TMCO4: variants seen among roughly 807,000 people sequenced by gnomAD.
TMCO4 encodes transmembrane and coiled-coil domain-containing protein 4.
TMCO4 carries 58 observed loss-of-function variants against 64.7 expected under a neutral mutation model. The ratio of observed to expected loss-of-function variants is 0.90; its 90% CI spans 0.73 to 1.12. The LOEUF (loss-of-function observed/expected upper bound fraction) is 1.12. Among genes scored for constraint, TMCO4 ranks in the 50% most tolerant of loss-of-function variants. The probability of loss-of-function intolerance (pLI) is 0.00; values close to 1 mark genes in which losing one functional copy is unlikely to be tolerated. For synonymous variants in TMCO4, 325 were observed against 346.1 expected (o/e 0.94, Z 0.68); for missense variants, 780 against 825.9 (o/e 0.94, Z 0.68).
intron 13 of TMCO4, among the ~76,000 whole-genome samples, chr1:19,736,448 C>A (rs930251421): frequency 2.1e-4 from 32 of 152,190 alleles, no homozygotes; most frequent in African/African-American, 7.7e-4. Context: ...CCCATCCACC[C>A]TCCACTCCCA....
chr1:19,709,704 C>T (rs2095321120), intron 13 of TMCO4, among the ~76,000 whole-genome samples: 1 of 151,234 alleles, frequency 6.6e-6, no homozygotes, highest in African/African-American at 2.4e-5. Flanking sequence ...GATTGTGCTG[C>T]AAGGCTTTTT....
rs370575828 is a variant in TMCO4 at position 19,696,014 on chromosome 1, C to T, written c.1383-1463G>A. The stretch of plus-strand genomic sequence containing the variant: ...CTGAGAGCAGGCAATCCTCCCTCCC[C>T]GCCCCATGGATGAATGCGACGGCCT... On this transcript the variant is annotated intron_variant, in intron 14 of 15. Transcript: ENST00000294543. Among the ~76,000 whole-genome samples the T allele has an allele frequency of 2.8e-3, 420 of 152,258 alleles. 2 individuals are homozygous for T. Among genetic ancestry groups the T allele is most frequent in the Non-Finnish European group, 2.9e-3 (199 of 68,028 alleles).
intron 13 of TMCO4, among the ~76,000 whole-genome samples, chr1:19,705,222 G>A (rs921271874): frequency 2.6e-5 from 4 of 152,028 alleles, no homozygotes; most frequent in African/African-American, 4.8e-5. Flanking sequence ...AGGCTGAGGC[G>A]GATGGATCAC....
chr1:19,748,752 G>A (rs2041898834), intron 7 of TMCO4, among the ~76,000 whole-genome samples: 1 of 152,214 alleles, frequency 6.6e-6, no homozygotes, highest in African/African-American at 2.4e-5. Context: ...TTGAACCCAG[G>A]AGGAGGAGGT....
intron 13 of TMCO4, among the ~76,000 whole-genome samples, chr1:19,701,730 G>T (rs866060229): frequency 6.6e-6 from 1 of 152,132 alleles, no homozygotes; most frequent in Non-Finnish European, 1.5e-5. Context: ...GGTGGGAAGT[G>T]GGGGGTGAAG....
intron 15 of TMCO4, among the ~76,000 whole-genome samples, chr1:19,690,251 A>G (rs1182946924): frequency 6.6e-6 from 1 of 152,234 alleles, no homozygotes; most frequent in Non-Finnish European, 1.5e-5. Flanking sequence ...GGTACCCAGA[A>G]AGGCTGTCAT....
At chr1:19,700,003 A>T (rs1183454346) in intron 14 of TMCO4, among the ~76,000 whole-genome samples, 1 of 152,080 alleles carries the variant, frequency 6.6e-6, no homozygotes, top group Non-Finnish European at 1.5e-5. Context: ...CCAAATCAAG[A>T]GCCTTAAACA....
At chr1:19,748,255 C>T (rs1570883060) in intron 7 of TMCO4, among the ~76,000 whole-genome samples, 2 of 152,238 alleles carry the variant, frequency 1.3e-5, no homozygotes, top group East Asian at 1.9e-4. Flanking sequence ...GATGTCATCA[C>T]GATGCTGCAT....
chr1:19,693,921 G>C (rs2095217149), intron 15 of TMCO4, among the ~76,000 whole-genome samples: 1 of 152,172 alleles, frequency 6.6e-6, no homozygotes, highest in Non-Finnish European at 1.5e-5. Flanking sequence ...GTGGGGAACG[G>C]CAGTAATACA....
intron 4 of TMCO4, among the ~76,000 whole-genome samples, chr1:19,775,793 T>C (rs529399841): frequency 1.3e-5 from 2 of 152,218 alleles, no homozygotes; most frequent in Non-Finnish European, 2.9e-5. Flanking sequence ...AAGAAATAAA[T>C]GTTTTAGAGG....
At chr1:19,712,154 T>C (rs148275705) in intron 13 of TMCO4, among the ~76,000 whole-genome samples, 326 of 152,212 alleles carry the variant, frequency 2.1e-3, no homozygotes, top group African/African-American at 7.6e-3. Context: ...TCTCAGGGAA[T>C]AGGAAGGCTG....
chr1:19,692,857 C>A (rs12404870), intron 15 of TMCO4, among the ~76,000 whole-genome samples: 2 of 151,572 alleles, frequency 1.3e-5, no homozygotes, highest in Non-Finnish European at 2.9e-5. Context: ...GGCAGGTGAA[C>A]GAGGTTCTTT....
At chr1:19,731,093 C>T (rs916242503) in intron 13 of TMCO4, among the ~76,000 whole-genome samples, 1 of 152,080 alleles carries the variant, frequency 6.6e-6, no homozygotes, top group Non-Finnish European at 1.5e-5. Context: ...TTGACGATCT[C>T]GACCATCTGG....
chr1:19,719,991 CA>C (rs902282592), intron 13 of TMCO4, among the ~76,000 whole-genome samples: 5 of 144,116 alleles, frequency 3.5e-5, no homozygotes, highest in African/African-American at 1.3e-4. Context: ...GATTCCTTCT[CA>C]AAAAGGAAAA....
chr1:19,782,785 G>T (rs781262018), intron 3 of TMCO4, among the ~76,000 whole-genome samples: 1 of 152,176 alleles, frequency 6.6e-6, no homozygotes, highest in Non-Finnish European at 1.5e-5. Context: ...TACTACAGGG[G>T]ATCAAGGATA....
At chr1:19,797,110 T>C (rs555295165) in intron 2 of TMCO4, among the ~76,000 whole-genome samples, 5 of 152,244 alleles carry the variant, frequency 3.3e-5, no homozygotes, top group Admixed American at 6.5e-5. Flanking sequence ...TCATTTTATA[T>C]AAAGTGAGGT....
intron 13 of TMCO4, among the ~76,000 whole-genome samples, chr1:19,722,350 T>C (rs988746954): frequency 8.5e-5 from 13 of 152,232 alleles, no homozygotes; most frequent in African/African-American, 3.1e-4. Flanking sequence ...CAGGAGTCAA[T>C]GCTCTCAAGG....
intron 4 of TMCO4, among the ~76,000 whole-genome samples, chr1:19,776,738 C>T (rs992593597): frequency 2.0e-5 from 3 of 152,062 alleles, no homozygotes; most frequent in African/African-American, 4.8e-5. Context: ...TTGAAAACAG[C>T]AAAAGCCAGG....
chr1:19,730,894 A>G (rs924255010), intron 13 of TMCO4, among the ~76,000 whole-genome samples: 3 of 152,220 alleles, frequency 2.0e-5, no homozygotes, highest in African/African-American at 4.8e-5. Context: ...GTGGATTCAA[A>G]TGCATTAGGG....
Sources: allele counts gnomAD v4.1 joint callset (sites outside exome capture counted in the v4.1 genomes callset), GRCh38; gene constraint gnomAD v4.1.1; transcripts MANE v1.5; gene names NCBI Gene and HGNC (gene_info 2026-07-23, HGNC 2026-07-21).